Variants in INO80D observed in about 807,000 individuals in gnomAD.
The protein encoded by INO80D is INO80 complex subunit D.
In INO80D, 21 loss-of-function variants were observed where a neutral mutation model predicts 87.6. That is an observed-to-expected ratio of 0.24 (90% confidence interval 0.17 to 0.35). INO80D has a LOEUF of 0.35. Among genes scored for constraint, INO80D ranks in the 10% least tolerant of loss-of-function variants. INO80D has a pLI of 1.00. For missense variants in INO80D, 982 were observed against 1,280.7 expected (o/e 0.77, Z 3.56); for synonymous variants, 440 against 491.0 (o/e 0.90, Z 1.37).
chr2:206,076,404 A>G (rs893073493), intron 1 of INO80D, among the ~76,000 whole-genome samples: 1 of 152,220 alleles, frequency 6.6e-6, no homozygotes, highest in Non-Finnish European at 1.5e-5. Flanking sequence ...ATGAAGCATA[A>G]GAATGTAATA....
At chr2:206,082,482 T>C (rs1690311392) in intron 1 of INO80D, among the ~76,000 whole-genome samples, 1 of 152,228 alleles carries the variant, frequency 6.6e-6, no homozygotes, top group Admixed American at 6.5e-5. Context: ...AATCAGCCTT[T>C]ACAGTCAGGA....
Position 206,085,265 on chromosome 2 carries a change from C to T in INO80D, c.-124+636G>A, listed in dbSNP as rs934404317. ...GCCAGGCCGCCCGCCCCGCCCCGCC[C>T]CGGCCTGGCCGTCCGGAGCGCGGAG... On this transcript the variant is annotated intron_variant, in intron 1 of 10. Transcript: ENST00000403263. This position sits in a 1 kb window ranked among gnomAD's most constrained non-coding sequence, Gnocchi z 4.5. 6.6e-6 allele frequency among the ~76,000 whole-genome samples: 1 copy of T among 151,762 alleles called. No individual in the cohort carries two copies. Among genetic ancestry groups the T allele is most frequent in the Non-Finnish European group, 1.5e-5 (1 of 67,858 alleles).
chr2:206,014,051 G>A (rs1220265080), intron 8 of INO80D, among the ~76,000 whole-genome samples: 4 of 151,288 alleles, frequency 2.6e-5, no homozygotes, highest in African/African-American at 9.7e-5. Flanking sequence ...CCAGCTACTC[G>A]GGAGGTTGAG....
At position 206,000,907 on chromosome 2, in the gene INO80D, C is replaced by T. The variant is rs1216944847; in HGVS notation, c.*3461G>A. On this transcript the variant is annotated 3_prime_UTR_variant, in exon 11 of 11. Transcript: ENST00000403263. ...AGTCTTCTCATAGAGGGGCACTAGACACACCACACTGCCTGCCAACATGAA... is the reference window on the plus strand; with the variant it reads ...AGTCTTCTCATAGAGGGGCACTAGATACACCACACTGCCTGCCAACATGAA... The T allele has an allele frequency of 6.6e-6, 1 of 152,204 alleles. No homozygotes were observed. The highest frequency in any genetic ancestry group is 1.5e-5 in the Non-Finnish European group (1 of 68,040). The allele number at this position is 152,204 out of a possible 1,614,324, so 9.4% of individuals were successfully genotyped here. A position where few individuals can be genotyped will look rare whatever the true frequency, so the allele number is the denominator to read the frequency against.
In INO80D at chr2:206,028,213, C is replaced by T. The variant is rs200519220; in HGVS notation, c.1196G>A (p.Arg399Gln). The change falls in exon 6 of 11, where the codon CGG (arginine) becomes CAG (glutamine). Residue 399 changes from arginine to glutamine, a missense_variant. Arg to Gln is a conservative substitution (Grantham distance 43). Transcript: ENST00000403263. Reference protein sequence around the residue: ...ERAESRQKKCRHTFRKALLQA... With the variant: ...ERAESRQKKCQHTFRKALLQA... ...CAGCAAAGCTTTCCTAAACGTATGC[C>T]GGCATTTCTTTTGACGAGATTCTGC... 6.4e-5 allele frequency: 103 copies of T among 1,613,102 alleles called. No individual in the cohort carries two copies. The African/African-American group carries it at 1.3e-3, about 20-fold the overall frequency.
At chr2:206,052,633 G>T (rs982842392) in intron 4 of INO80D, among the ~76,000 whole-genome samples, 1 of 150,370 alleles carries the variant, frequency 6.7e-6, no homozygotes, top group African/African-American at 2.4e-5. Flanking sequence ...CAAAAAATCT[G>T]AAAAAAAAAT....
At chr2:206,012,980 T>C (rs1688219611) in intron 8 of INO80D, among the ~76,000 whole-genome samples, 1 of 151,960 alleles carries the variant, frequency 6.6e-6, no homozygotes, top group Admixed American at 6.6e-5. Context: ...TAGTCTCTTA[T>C]GTAATTTTTA....
chr2:206,061,214 G>A (rs1689682179), intron 3 of INO80D, among the ~76,000 whole-genome samples: 1 of 151,446 alleles, frequency 6.6e-6, no homozygotes, highest in African/African-American at 2.4e-5. Flanking sequence ...GTTTTGTCAT[G>A]TTGCTCAGGC....
intron 4 of INO80D, among the ~76,000 whole-genome samples, chr2:206,048,254 TA>T (rs1689252655): frequency 6.6e-6 from 1 of 152,082 alleles, no homozygotes; most frequent in Non-Finnish European, 1.5e-5. Context: ...AATATTTTGT[TA>T]AAGGGTCTCG....
chr2:206,038,210 G>A (rs1011197799), intron 5 of INO80D, among the ~76,000 whole-genome samples: 7 of 152,148 alleles, frequency 4.6e-5, no homozygotes, highest in African/African-American at 1.7e-4. Flanking sequence ...AAAACTGCAT[G>A]TGTACCCCAT....
At chr2:206,041,926 T>C (rs1689061818) in intron 5 of INO80D, among the ~76,000 whole-genome samples, 1 of 152,068 alleles carries the variant, frequency 6.6e-6, no homozygotes, top group African/African-American at 2.4e-5. Flanking sequence ...GGTGGGAGGA[T>C]CACTTGAGCC....
chr2:206,054,710 C>T (rs1306117658), intron 4 of INO80D, among the ~76,000 whole-genome samples: 2 of 151,784 alleles, frequency 1.3e-5, no homozygotes, highest in African/African-American at 4.8e-5. Flanking sequence ...GACAGGGTTT[C>T]ACCATGTTGG....
At chr2:206,013,349 C>A (rs1018898954) in intron 8 of INO80D, among the ~76,000 whole-genome samples, 2 of 152,096 alleles carry the variant, frequency 1.3e-5, no homozygotes, top group Admixed American at 6.5e-5. Flanking sequence ...GTCAGGAGAT[C>A]GAGATCTTCC....
chr2:206,040,569 A>G, intron 5 of INO80D: 1 of 263,018 alleles, frequency 3.8e-6, no homozygotes, highest in South Asian at 4.9e-5. Flanking sequence ...TCGTGGTTGG[A>G]ATTGATCGCT....
chr2:206,037,388 T>G lies in INO80D; in HGVS notation c.1074-9053A>C, dbSNP rs1353583583. 2.6e-5 allele frequency among the ~76,000 whole-genome samples: 4 copies of G among 152,224 alleles called. No homozygotes were observed. In the South Asian group the frequency reaches 8.3e-4, roughly 32 times the overall value. ...AACCAAACAGCAAAATGGTAATACC[T>G]CTAATAAAAACAGGAGAATCAGAAA... On this transcript the variant is annotated intron_variant, in intron 5 of 10. Transcript: ENST00000403263.
In INO80D at chr2:206,005,465, T is replaced by C; in HGVS notation, c.1987A>G (p.Thr663Ala). Residue 663 changes from threonine (T) to alanine (A), a missense_variant, in exon 11 of 11, where the codon ACT becomes GCT. By Grantham distance (58) the Thr-to-Ala change is moderately conservative (BLOSUM62 0). Coordinates refer to ENST00000403263, the MANE Select transcript of INO80D (RefSeq NM_017759.5). ...ATGGTACTCAGGCACTCGAGAGAAG[T>C]TACAGCCTGCAAGGCCCGTTCAAGC... ...EELERALQAV[T>A]SLECLSTIGV... is the part of the protein sequence containing the mutation. 6.2e-7 allele frequency: 1 copy of C among 1,613,904 alleles called. No individual in the cohort carries two copies. The highest frequency in any genetic ancestry group is 8.5e-7 in the Non-Finnish European group (1 of 1,179,876).
At chr2:206,042,420 G>A (rs1352206022) in intron 5 of INO80D, among the ~76,000 whole-genome samples, 8 of 152,254 alleles carry the variant, frequency 5.3e-5, no homozygotes, top group African/African-American at 4.8e-5. Context: ...GGTGGCTCAC[G>A]CCTGTAATCC....
chr2:206,035,662 C>T (rs930329452), intron 5 of INO80D, among the ~76,000 whole-genome samples: 2 of 152,134 alleles, frequency 1.3e-5, no homozygotes, highest in African/African-American at 4.8e-5. Flanking sequence ...TAGACATTGG[C>T]TTAGGCAAGG....
intron 10 of INO80D, among the ~76,000 whole-genome samples, chr2:206,005,921 A>G (rs1323411739): frequency 6.6e-6 from 1 of 152,228 alleles, no homozygotes; most frequent in African/African-American, 2.4e-5. Context: ...CTTGGATTTG[A>G]GAGAAAAGGC....
Sources: gnomAD v4.1 joint callset for allele counts (sites outside exome capture counted in the v4.1 genomes callset) on GRCh38, gnomAD v4.1.1 for gene constraint, Gnocchi (gnomAD v3.1) non-coding constraint, MANE v1.5 for transcripts, NCBI Gene and HGNC (gene_info 2026-07-23, HGNC 2026-07-21) for gene names.